Variants in GABRR2 observed in about 807,000 individuals in gnomAD.
The protein encoded by GABRR2 is gamma-aminobutyric acid type A receptor subunit rho2, also known as gamma-aminobutyric acid receptor subunit rho-2.
Under a neutral mutation model 47.0 loss-of-function variants are expected in GABRR2, and 36 were observed. The observed-to-expected ratio is 0.77, with a 90% CI of 0.59 to 1.01. GABRR2 has a LOEUF of 1.01. Ranked by LOEUF, GABRR2 falls within the 50% of genes least tolerant of loss-of-function variation. The pLI is 0.00. For missense variants in GABRR2, 587 were observed against 594.6 expected (o/e 0.99, Z 0.13); for synonymous variants, 204 against 227.5 (o/e 0.90, Z 0.93).
rs563541812 is a variant in GABRR2 at position 89,302,685 on chromosome 6, G to A, written c.114-2820C>T. 2.0e-4 allele frequency: 262 copies of A among 1,311,560 alleles called. 1 individual carries two copies. The highest frequency in any genetic ancestry group is 1.2e-3 in the East Asian group (36 of 29,752). The allele number at this position is 1,311,560 out of a possible 1,614,324, so 81.2% of individuals were successfully genotyped here. On this transcript the variant is annotated intron_variant, in intron 1 of 8. Coordinates refer to ENST00000402938, the MANE Select transcript of GABRR2 (RefSeq NM_002043.5). ...GATGGCTGCCCGCGACCGGCACCACGGCTGCTACCTGGCAGTGGCCACCGT... is the reference window on the plus strand; with the variant it reads ...GATGGCTGCCCGCGACCGGCACCACAGCTGCTACCTGGCAGTGGCCACCGT...
intron 1 of GABRR2, among the ~76,000 whole-genome samples, chr6:89,306,276 C>G (rs1457606049): frequency 6.6e-6 from 1 of 151,416 alleles, no homozygotes; most frequent in Non-Finnish European, 1.5e-5. Context: ...AATTGAGAGG[C>G]TGAGACAGAA....
intron 2 of GABRR2, among the ~76,000 whole-genome samples, chr6:89,278,063 T>G (rs193081507): frequency 6.6e-6 from 1 of 152,256 alleles, no homozygotes; most frequent in Non-Finnish European, 1.5e-5. Flanking sequence ...CCCAAATGTC[T>G]GTCTCTAGTA....
chr6:89,261,413 C>A (rs886135922), intron 8 of GABRR2, among the ~76,000 whole-genome samples: 1 of 151,936 alleles, frequency 6.6e-6, no homozygotes, highest in Non-Finnish European at 1.5e-5. Flanking sequence ...ATGAACTGAC[C>A]CCCCTCTTGG....
chr6:89,261,384 G>T (rs1030105816), intron 8 of GABRR2, among the ~76,000 whole-genome samples: 4 of 152,068 alleles, frequency 2.6e-5, no homozygotes, highest in African/African-American at 9.7e-5. Context: ...TAAAAATAAA[G>T]TTCTAAGCCC....
In GABRR2 at chr6:89,264,457, G is replaced by A; in HGVS notation, c.1041C>T (p.Tyr347=). ...CCTTGCGCTCCTGCACGGTGGTCAG[G>A]TAGTTGACAGCCGCATACTCCAGCA... is the stretch of plus-strand genomic sequence containing the variant. ...LSVLEYAAVN[Y]LTTVQERKER... The change falls in exon 8 of 9, where the codon TAC becomes TAT. Residue 347 remains tyrosine, a synonymous_variant. Coordinates refer to ENST00000402938, the MANE Select transcript of GABRR2 (RefSeq NM_002043.5). The A allele has an allele frequency of 6.2e-7, 1 of 1,613,990 alleles. No individual in the cohort carries two copies. Among genetic ancestry groups the A allele is most frequent in the African/African-American group, 1.3e-5 (1 of 74,982 alleles).
chr6:89,280,810 T>C (rs960513220), intron 2 of GABRR2, among the ~76,000 whole-genome samples: 2 of 152,246 alleles, frequency 1.3e-5, no homozygotes, highest in Non-Finnish European at 2.9e-5. Context: ...TAAAAAACTA[T>C]TTCTGAAGTT....
chr6:89,290,465 A>T (rs1406180347), intron 2 of GABRR2, among the ~76,000 whole-genome samples: 1 of 152,220 alleles, frequency 6.6e-6, no homozygotes, highest in African/African-American at 2.4e-5. Context: ...CCTGGAAAAG[A>T]GGCATGCACA....
intron 6 of GABRR2, among the ~76,000 whole-genome samples, chr6:89,267,137 T>A (rs1004693425): frequency 6.6e-6 from 1 of 151,912 alleles, no homozygotes; most frequent in Admixed American, 6.6e-5. Context: ...GTAGCTGGGA[T>A]TACAGGTGCA....
intron 1 of GABRR2, among the ~76,000 whole-genome samples, chr6:89,304,557 C>T (rs1767517885): frequency 6.7e-6 from 1 of 150,056 alleles, no homozygotes. Flanking sequence ...CCACTACACT[C>T]CAGCCTGGGT....
In GABRR2 at chr6:89,256,293, T is replaced by G. The variant is rs1477858241; in HGVS notation, c.*1377A>C. On this transcript the variant is annotated 3_prime_UTR_variant, in exon 9 of 9. Transcript: ENST00000402938. Reference sequence around the variant, plus strand: ...TTCCCATCTCACACTGAACTATTACTGAGGCACTAAACACTCTTAATCTTA... The same window carrying G: ...TTCCCATCTCACACTGAACTATTACGGAGGCACTAAACACTCTTAATCTTA... Among the ~76,000 whole-genome samples, 1 of 151,630 alleles carries G rather than the reference T, an allele frequency of 6.6e-6. No homozygotes were observed. The highest frequency in any genetic ancestry group is 2.4e-5 in the African/African-American group (1 of 41,228).
Position 89,260,841 on chromosome 6 carries a change from G to C in GABRR2, c.1087-2860C>G, listed in dbSNP as rs976901399. 8.3e-4 allele frequency among the ~76,000 whole-genome samples: 126 copies of C among 152,310 alleles called. 3 individuals carry two copies. The highest frequency in any genetic ancestry group is 7.3e-5 in the Non-Finnish European group (5 of 68,034). ...CCATGGCATCCACTTAGGAACCTCA[G>C]CTCTATTGGGAAACATTTCAATACT... is the stretch of plus-strand genomic sequence containing the variant. On this transcript the variant is annotated intron_variant, in intron 8 of 8. Transcript: ENST00000402938.
chr6:89,296,497 G>GA (rs1431154227), intron 2 of GABRR2, among the ~76,000 whole-genome samples: 1 of 152,364 alleles, frequency 6.6e-6, no homozygotes, highest in African/African-American at 2.4e-5. Context: ...TGGAAGGAAG[G>GA]AGGAGTGGCC....
chr6:89,296,009 T>C (rs1243603296), intron 2 of GABRR2, among the ~76,000 whole-genome samples: 1 of 152,234 alleles, frequency 6.6e-6, no homozygotes, highest in Non-Finnish European at 1.5e-5. Flanking sequence ...AGTACCATGC[T>C]GTTTTGGTTA....
intron 8 of GABRR2, among the ~76,000 whole-genome samples, chr6:89,259,831 T>C (rs747308028): frequency 6.6e-6 from 1 of 151,276 alleles, no homozygotes; most frequent in African/African-American, 2.4e-5. Context: ...TATCATAGAC[T>C]CATAGCTATA....
chr6:89,279,694 A>C (rs945120728), intron 2 of GABRR2, among the ~76,000 whole-genome samples: 1 of 138,538 alleles, frequency 7.2e-6, no homozygotes, highest in African/African-American at 2.7e-5. Flanking sequence ...AAAAAAAAAA[A>C]AACCCCACTG....
chr6:89,303,638 C>A (rs9362634), intron 1 of GABRR2, among the ~76,000 whole-genome samples: 1 of 115,510 alleles, frequency 8.7e-6, no homozygotes. Flanking sequence ...CCAAAGCAAT[C>A]TTAAGGAGGA....
chr6:89,313,490 C>T (rs1365651830), intron 1 of GABRR2, among the ~76,000 whole-genome samples: 3 of 152,124 alleles, frequency 2.0e-5, no homozygotes, highest in East Asian at 1.9e-4. Context: ...CTTGCTGGGC[C>T]GATGACATCT....
In GABRR2 at chr6:89,301,866, T is replaced by C. The variant is rs181619558; in HGVS notation, c.114-2001A>G. The C allele has an allele frequency of 2.1e-4, 243 of 1,145,988 alleles. No homozygotes were observed. In the African/African-American group the frequency reaches 3.3e-3, roughly 16 times the overall value. 71.0% of individuals were successfully genotyped at this position (1,145,988 alleles called of 1,614,324 possible). A position where few individuals can be genotyped will look rare whatever the true frequency, so the allele number is the denominator to read the frequency against. ...TCTGGGAAGTCATCAGTGATGAGCA[T>C]GGCATAGACCCCAGCGGCAACTACG... On this transcript the variant is annotated intron_variant, in intron 1 of 8. Coordinates refer to ENST00000402938, the MANE Select transcript of GABRR2 (RefSeq NM_002043.5).
At chr6:89,314,208 T>C (rs1767725649) in intron 1 of GABRR2, among the ~76,000 whole-genome samples, 1 of 152,194 alleles carries the variant, frequency 6.6e-6, no homozygotes, top group Non-Finnish European at 1.5e-5. Flanking sequence ...CCTCAAGATA[T>C]TAATTTATAT....
Sources: gnomAD v4.1 joint callset for allele counts (sites outside exome capture counted in the v4.1 genomes callset) on GRCh38, gnomAD v4.1.1 for gene constraint, MANE v1.5 for transcripts, NCBI Gene and HGNC (gene_info 2026-07-23, HGNC 2026-07-21) for gene names.